The following FTCDNL1 variants were observed in gnomAD, a reference collection of about 807,000 sequenced individuals.
FTCDNL1 encodes formiminotransferase cyclodeaminase N-terminal like, also known as formiminotransferase N-terminal subdomain-containing protein.
In FTCDNL1, 11 loss-of-function variants were observed where a neutral mutation model predicts 5.9. That is an observed-to-expected ratio of 1.87 (90% confidence interval 1.18 to 3.10). The LOEUF is 3.10. Ranked by LOEUF, FTCDNL1 falls within the 30% of genes most tolerant of loss-of-function variation. The pLI is 0.00. For synonymous variants in FTCDNL1, 58 were observed against 24.8 expected (o/e 2.34, Z -3.99); for missense variants, 115 against 65.5 (o/e 1.76, Z -2.61).
the FTCDNL1 span, among the ~76,000 whole-genome samples, chr2:199,713,119 T>G: frequency 6.6e-6 from 1 of 152,198 alleles, no homozygotes; most frequent in African/African-American, 2.4e-5. Flanking sequence ...TTTCATCACA[T>G]TCTTTTTTCT....
At chr2:199,826,140 G>A (rs1036242582) in intron 3 of FTCDNL1, among the ~76,000 whole-genome samples, 1 of 152,164 alleles carries the variant, frequency 6.6e-6, no homozygotes, top group Non-Finnish European at 1.5e-5. Context: ...CTACAGTTCT[G>A]TAGCACTGCC....
the FTCDNL1 span, among the ~76,000 whole-genome samples, chr2:199,691,198 G>T: frequency 6.6e-6 from 1 of 152,106 alleles, no homozygotes; most frequent in Admixed American, 6.5e-5. Context: ...TTGAGACAGA[G>T]TTTTGCTCTT....
the FTCDNL1 span, among the ~76,000 whole-genome samples, chr2:199,666,820 C>T: frequency 2.0e-5 from 3 of 151,246 alleles, no homozygotes; most frequent in African/African-American, 7.3e-5. Flanking sequence ...GAGGCTGAGG[C>T]AGAATTTCTT....
At position 199,811,066 on chromosome 2, in the gene FTCDNL1, G is replaced by C. The variant is rs111673346; in HGVS notation, c.*1639C>G. 1.3e-5 allele frequency among the ~76,000 whole-genome samples: 2 copies of C among 152,082 alleles called. No individual in the cohort carries two copies. The highest frequency in any genetic ancestry group is 2.9e-5 in the Non-Finnish European group (2 of 68,020). Reference sequence around the variant, plus strand: ...TACATAATGAAACATTTCAACTCCCGAGGCTGGGCCTCTTCCTCCTGGGAA... The same window carrying C: ...TACATAATGAAACATTTCAACTCCCCAGGCTGGGCCTCTTCCTCCTGGGAA... On this transcript the variant is annotated 3_prime_UTR_variant, in exon 5 of 5. Coordinates refer to ENST00000420128, the MANE Select transcript of FTCDNL1 (RefSeq NM_001363886.2).
chr2:199,832,274 T>C (rs947306531), intron 3 of FTCDNL1, among the ~76,000 whole-genome samples: 3 of 152,194 alleles, frequency 2.0e-5, no homozygotes, highest in Admixed American at 2.0e-4. Context: ...CTGTACTCCA[T>C]AACTCATTTT....
At chr2:199,844,518 C>T in intron 3 of FTCDNL1, 2 of 627,654 alleles carry the variant, frequency 3.2e-6, no homozygotes, top group Non-Finnish European at 5.9e-6. Flanking sequence ...AGGCAGGCAG[C>T]CAGAACAGAA....
intron 3 of FTCDNL1, among the ~76,000 whole-genome samples, chr2:199,794,659 C>T (rs1474950009): frequency 6.6e-6 from 1 of 152,196 alleles, no homozygotes; most frequent in Non-Finnish European, 1.5e-5. Flanking sequence ...AAGTGGATCA[C>T]TTGAGTCCAG....
chr2:199,841,195 G>A (rs970160156), intron 3 of FTCDNL1, among the ~76,000 whole-genome samples: 6 of 151,430 alleles, frequency 4.0e-5, no homozygotes, highest in African/African-American at 1.5e-4. Context: ...AAAATGGGAT[G>A]TAGCCTAATA....
intron 3 of FTCDNL1, among the ~76,000 whole-genome samples, chr2:199,801,449 C>T (rs540110846): frequency 2.0e-5 from 3 of 151,764 alleles, no homozygotes; most frequent in African/African-American, 7.3e-5. Context: ...GAGTTGGAGA[C>T]CAGCCTGGGC....
At chr2:199,832,286 T>A (rs1042701379) in intron 3 of FTCDNL1, among the ~76,000 whole-genome samples, 1 of 152,188 alleles carries the variant, frequency 6.6e-6, no homozygotes, top group East Asian at 1.9e-4. Flanking sequence ...ACTCATTTTA[T>A]TGTGTCCTGT....
intron 3 of FTCDNL1, among the ~76,000 whole-genome samples, chr2:199,798,121 G>T (rs1305024114): frequency 2.0e-5 from 3 of 152,186 alleles, no homozygotes; most frequent in Non-Finnish European, 4.4e-5. Flanking sequence ...GTTCAGAACA[G>T]CTTTTTCCTT....
At chr2:199,776,237 T>C (rs1438852410) in intron 3 of FTCDNL1, among the ~76,000 whole-genome samples, 1 of 152,144 alleles carries the variant, frequency 6.6e-6, no homozygotes, top group East Asian at 1.9e-4. Flanking sequence ...GAAACTGATA[T>C]TGCCCAAAGA....
chr2:199,696,273 A>G, the FTCDNL1 span, among the ~76,000 whole-genome samples: 1 of 152,182 alleles, frequency 6.6e-6, no homozygotes, highest in Non-Finnish European at 1.5e-5. Context: ...CCCTGCTGCC[A>G]CTGGCACATA....
the FTCDNL1 span, among the ~76,000 whole-genome samples, chr2:199,681,513 G>GCA: frequency 6.6e-6 from 1 of 152,296 alleles, no homozygotes; most frequent in South Asian, 2.1e-4. Flanking sequence ...TGGAGGGTTG[G>GCA]GAGTCTCTGA....
chr2:199,815,947 T>A (rs1424599424), intron 4 of FTCDNL1, among the ~76,000 whole-genome samples: 1 of 151,548 alleles, frequency 6.6e-6, no homozygotes, highest in Non-Finnish European at 1.5e-5. Context: ...TTGCAGTGAG[T>A]TGAGATCACA....
the FTCDNL1 span, among the ~76,000 whole-genome samples, chr2:199,679,183 T>C: frequency 6.6e-6 from 1 of 152,130 alleles, no homozygotes; most frequent in African/African-American, 2.4e-5. Flanking sequence ...ATATTGAATA[T>C]TTTTATATGA....
chr2:199,684,961 T>C, the FTCDNL1 span, among the ~76,000 whole-genome samples: 3 of 152,170 alleles, frequency 2.0e-5, no homozygotes, highest in East Asian at 5.8e-4. Flanking sequence ...GACTAAAGTG[T>C]CTGTGGTTTT....
intron 3 of FTCDNL1, among the ~76,000 whole-genome samples, chr2:199,776,837 C>A (rs1272933301): frequency 6.6e-6 from 1 of 151,640 alleles, no homozygotes; most frequent in Non-Finnish European, 1.5e-5. Context: ...ATTATATATT[C>A]CCTATATATA....
chr2:199,683,687 C>A, the FTCDNL1 span, among the ~76,000 whole-genome samples: 1 of 151,900 alleles, frequency 6.6e-6, no homozygotes, highest in East Asian at 1.9e-4. Context: ...TTCTTTTGAT[C>A]CTAAATGTAT....
Sources: allele counts gnomAD v4.1 joint callset (sites outside exome capture counted in the v4.1 genomes callset), GRCh38; gene constraint gnomAD v4.1.1; transcripts MANE v1.5; gene names NCBI Gene and HGNC (gene_info 2026-07-23, HGNC 2026-07-21).